CALN1: variants seen among roughly 807,000 people sequenced by gnomAD.
CALN1 encodes calneuron 1.
A neutral mutation model predicts 30.6 loss-of-function variants in CALN1; 17 were observed. The ratio of observed to expected loss-of-function variants is 0.56; its 90% CI spans 0.38 to 0.83. The LOEUF is 0.83. Ranked by LOEUF, CALN1 falls within the 40% of genes least tolerant of loss-of-function variation. The pLI, the probability that CALN1 is intolerant of heterozygous loss-of-function variation, is 0.00. For missense variants in CALN1, 291 were observed against 354.9 expected, an observed-to-expected ratio of 0.82 and a Z score of 1.45; for synonymous variants, 156 against 131.4, an observed-to-expected ratio of 1.19 and a Z score of -1.28.
intron 6 of CALN1, among the ~76,000 whole-genome samples, chr7:71,799,918 C>T (rs545708267): frequency 6.6e-6 from 1 of 152,324 alleles, no homozygotes; most frequent in South Asian, 2.1e-4. Context: ...GGCTACTGAC[C>T]TCAGCTCCTT....
chr7:72,187,353 C>T (rs1056351036), intron 3 of CALN1, among the ~76,000 whole-genome samples: 4 of 152,096 alleles, frequency 2.6e-5, no homozygotes, highest in African/African-American at 9.7e-5. Context: ...TGGTGGAATG[C>T]AATCATTGTC....
chr7:72,481,204 G>A, the CALN1 span, among the ~76,000 whole-genome samples: 2,090 of 152,116 alleles, frequency 0.014, 21 homozygotes, highest in Non-Finnish European at 0.02. Flanking sequence ...CGCCCGCGTC[G>A]GCCTCCCAAA....
chr7:72,273,797 G>A (rs1428241134), intron 3 of CALN1, among the ~76,000 whole-genome samples: 2 of 152,012 alleles, frequency 1.3e-5, no homozygotes, highest in Non-Finnish European at 2.9e-5. Flanking sequence ...ATAGGCATGA[G>A]CCACTGTGCC....
At chr7:72,121,869 A>G (rs1405722283) in intron 3 of CALN1, among the ~76,000 whole-genome samples, 1 of 147,428 alleles carries the variant, frequency 6.8e-6, no homozygotes, top group Non-Finnish European at 1.5e-5. Flanking sequence ...ATATAATTAT[A>G]TATTAATTAT....
At chr7:72,239,371 G>A (rs146264453) in intron 3 of CALN1, among the ~76,000 whole-genome samples, 237 of 152,080 alleles carry the variant, frequency 1.6e-3, no homozygotes, top group Middle Eastern at 3.4e-3. Context: ...ACTCCAGCCT[G>A]GACAACAGAA....
At chr7:71,908,527 CCTTT>C (rs1794258832) in intron 5 of CALN1, among the ~76,000 whole-genome samples, 1 of 152,102 alleles carries the variant, frequency 6.6e-6, no homozygotes, top group South Asian at 2.1e-4. Flanking sequence ...GATAAAAATT[CCTTT>C]CTTTAATTTC....
chr7:72,498,532 G>GT, the CALN1 span, among the ~76,000 whole-genome samples: 1 of 151,998 alleles, frequency 6.6e-6, no homozygotes, highest in Non-Finnish European at 1.5e-5. Flanking sequence ...CATCTTTAAA[G>GT]TATAAAAAGA....
intron 6 of CALN1, among the ~76,000 whole-genome samples, chr7:71,793,052 C>T (rs544315346): frequency 1.1e-4 from 17 of 152,140 alleles, no homozygotes; most frequent in Admixed American, 4.6e-4. Flanking sequence ...CGCCTGTAAT[C>T]CCAGCACTTT....
At chr7:72,404,807 T>C (rs986987673) in intron 1 of CALN1, among the ~76,000 whole-genome samples, 1 of 152,190 alleles carries the variant, frequency 6.6e-6, no homozygotes. Flanking sequence ...ATGTGGATGG[T>C]GGACATTATT....
chr7:72,045,365 C>T (rs761833845), intron 4 of CALN1, among the ~76,000 whole-genome samples: 1 of 152,138 alleles, frequency 6.6e-6, no homozygotes, highest in South Asian at 2.1e-4. Context: ...GGCATCTTGT[C>T]CCCCTTCCCT....
At chr7:72,287,868 G>A (rs1798196734) in intron 2 of CALN1, among the ~76,000 whole-genome samples, 1 of 152,032 alleles carries the variant, frequency 6.6e-6, no homozygotes, top group African/African-American at 2.4e-5. Flanking sequence ...GAATTTCTCT[G>A]AACTGCATAT....
At chr7:72,401,243 AGAGAT>A (rs1426932788) in intron 2 of CALN1, among the ~76,000 whole-genome samples, 6 of 151,722 alleles carry the variant, frequency 4.0e-5, no homozygotes, top group African/African-American at 1.4e-4. Context: ...ATGCACTCTG[AGAGAT>A]AACATTACTG....
chr7:72,183,043 T>G (rs2129546257), intron 3 of CALN1, among the ~76,000 whole-genome samples: 1 of 152,196 alleles, frequency 6.6e-6, no homozygotes, highest in Non-Finnish European at 1.5e-5. Flanking sequence ...GGGGCTTTTT[T>G]GTTTGTTTTT....
intron 5 of CALN1, among the ~76,000 whole-genome samples, chr7:71,856,854 C>T (rs1244847874): frequency 1.3e-5 from 2 of 152,078 alleles, no homozygotes; most frequent in Non-Finnish European, 2.9e-5. Context: ...ACTCAGGAGG[C>T]TCAGGTGGAA....
chr7:72,029,554 CATG>C lies in CALN1; in HGVS notation c.389-5788_389-5786del, dbSNP rs1316099897. On this transcript the variant is annotated intron_variant, in intron 4 of 6. Transcript: ENST00000395275. ...GAGATGATCACCAGAAACACCAAAC[CATG>C]ATTAGAACCTTGGAAATTTCAGTGC... Among the ~76,000 whole-genome samples, 3 of 152,184 alleles carry C rather than the reference CATG, an allele frequency of 2.0e-5. No homozygotes were observed. The East Asian group carries it at 5.8e-4, about 29-fold the overall frequency.
chr7:71,901,952 G>A (rs1793873813), intron 5 of CALN1, among the ~76,000 whole-genome samples: 1 of 152,084 alleles, frequency 6.6e-6, no homozygotes, highest in Non-Finnish European at 1.5e-5. Context: ...CTTTTACACA[G>A]CAAAAGAAAT....
intron 2 of CALN1, among the ~76,000 whole-genome samples, chr7:72,329,333 C>G (rs930756041): frequency 1.3e-5 from 2 of 152,172 alleles, no homozygotes; most frequent in African/African-American, 4.8e-5. Context: ...GTAGTGCAGG[C>G]AGAATGGACA....
chr7:72,231,873 T>C (rs368390400), intron 3 of CALN1, among the ~76,000 whole-genome samples: 2 of 152,298 alleles, frequency 1.3e-5, no homozygotes, highest in Non-Finnish European at 2.9e-5. Flanking sequence ...TAGAGCTATA[T>C]TTTTTGTAAA....
Position 71,787,539 on chromosome 7 carries a change from C to A in CALN1, c.*236G>T. 1 of 449,444 alleles carries A rather than the reference C, an allele frequency of 2.2e-6. No homozygotes were observed. The allele number at this position is 449,444 out of a possible 1,614,324, so 27.8% of individuals were successfully genotyped here. A position where few individuals can be genotyped will look rare whatever the true frequency, so the allele number is the denominator to read the frequency against. On this transcript the variant is annotated 3_prime_UTR_variant, in exon 7 of 7. Transcript: ENST00000395275. ...ATTTGGAAATCCTGGCGATTTATTG[C>A]ATTAGAAAACAAAACCATTAAAGCA...
Sources: gnomAD v4.1 joint callset for allele counts (sites outside exome capture counted in the v4.1 genomes callset) on GRCh38, gnomAD v4.1.1 for gene constraint, MANE v1.5 for transcripts, NCBI Gene and HGNC (gene_info 2026-07-23, HGNC 2026-07-21) for gene names.